C8A: variants seen among roughly 807,000 people sequenced by gnomAD.
C8A encodes the protein complement component C8 alpha chain.
A neutral mutation model predicts 65.3 loss-of-function variants in C8A; 67 were observed. The ratio of observed to expected loss-of-function variants is 1.03; its 90% CI spans 0.84 to 1.26. The LOEUF is 1.26. Ranked by LOEUF, C8A falls within the 50% of genes most tolerant of loss-of-function variation. The probability of loss-of-function intolerance (pLI) is 0.00; values close to 1 mark genes in which losing one functional copy is unlikely to be tolerated. For synonymous variants in C8A, 290 were observed against 259.4 expected (o/e 1.12, Z -1.13); for missense variants, 781 against 723.9 (o/e 1.08, Z -0.90).
rs115017133 is a variant in C8A at position 56,918,148 on chromosome 1, C to T, written c.*432C>T. On this transcript the variant is annotated 3_prime_UTR_variant, in exon 11 of 11. Transcript: ENST00000361249. ...ATAACAATTTGTTCACTCATAGAAACATTATTAATTGGTAGGGTAAGCAGA... is the reference window on the plus strand; with the variant it reads ...ATAACAATTTGTTCACTCATAGAAATATTATTAATTGGTAGGGTAAGCAGA... The T allele has an allele frequency of 2.3e-5, 4 of 174,614 alleles. No individual in the cohort carries two copies. Among genetic ancestry groups the T allele is most frequent in the African/African-American group, 4.8e-5 (2 of 41,784 alleles). 10.8% of individuals were successfully genotyped at this position (174,614 alleles called of 1,614,324 possible).
At chr1:56,907,828 A>G in intron 8 of C8A, 128 bp from the exon 9 acceptor site, 1 of 624,500 alleles carries the variant, frequency 1.6e-6, no homozygotes, top group Non-Finnish European at 2.7e-6. Context: ...AACCAAGAAG[A>G]GAAGAAGAAT....
chr1:56,910,375 T>C (rs1181456583), intron 9 of C8A, among the ~76,000 whole-genome samples: 1 of 152,216 alleles, frequency 6.6e-6, no homozygotes, highest in African/African-American at 2.4e-5. Context: ...CCAATACCTT[T>C]TCAAGCTCTA....
chr1:56,903,170 G>A (rs562572458), intron 7 of C8A, among the ~76,000 whole-genome samples: 10 of 152,182 alleles, frequency 6.6e-5, no homozygotes, highest in Middle Eastern at 3.4e-3. Flanking sequence ...CTGTGTCCCC[G>A]CCCAAATCTC....
At position 56,883,586 on chromosome 1, in the gene C8A, A is replaced by G. The variant is rs1193693367; in HGVS notation, c.760A>G (p.Ile254Val). ...TGACTCATTTGGAGTGACCATCGGC[A>G]TAGGCCCAGCCGGCAGCCCTTTATT... ...KSDSFGVTIG[I>V]GPAGSPLLVG... The change falls in exon 6 of 11, where the codon ATA (isoleucine) becomes GTA (valine). Residue 254 changes from isoleucine to valine, a missense_variant. Ile to Val is a conservative substitution (Grantham distance 29). Transcript: ENST00000361249. The G allele has an allele frequency of 2.5e-6, 4 of 1,613,906 alleles. No homozygotes were observed. The highest frequency in any genetic ancestry group is 3.4e-6 in the Non-Finnish European group (4 of 1,179,956).
Position 56,895,351 on chromosome 1 carries a change from T to C in C8A, c.1096+9184T>C, listed in dbSNP as rs183244444. 2.7e-3 allele frequency among the ~76,000 whole-genome samples: 414 copies of C among 152,272 alleles called. 29 individuals carry two copies. The South Asian group carries it at 0.079, about 29-fold the overall frequency. Reference sequence around the variant, plus strand: ...CAGGAGAGACTTGTGAAGAGGATACTATTATATAATCTCCAATTCACAAAA... The same window carrying C: ...CAGGAGAGACTTGTGAAGAGGATACCATTATATAATCTCCAATTCACAAAA... On this transcript the variant is annotated intron_variant, in intron 7 of 10. Coordinates refer to ENST00000361249, the MANE Select transcript of C8A (RefSeq NM_000562.3).
rs561722038 is a variant in C8A, at chr1:56,865,022, A to G, written c.78-2587A>G. ...AAATAAACAAACAAACAAAACTCCT[A>G]AGTTTTAAGTTTTACTTAAGAAAGT... On this transcript the variant is annotated intron_variant, in intron 1 of 10. Transcript: ENST00000361249. Among the ~76,000 whole-genome samples the G allele has an allele frequency of 5.3e-5, 8 of 152,284 alleles. No individual in the cohort carries two copies. In the East Asian group the frequency reaches 1.5e-3, roughly 29 times the overall value.
chr1:56,871,966 G>T (rs1316367556), intron 2 of C8A, among the ~76,000 whole-genome samples: 1 of 152,134 alleles, frequency 6.6e-6, no homozygotes, highest in Non-Finnish European at 1.5e-5. Context: ...AAGCACTGCA[G>T]AACAGTGGCA....
intron 6 of C8A, among the ~76,000 whole-genome samples, chr1:56,884,181 G>A (rs911405548): frequency 6.6e-6 from 1 of 151,962 alleles, no homozygotes; most frequent in Admixed American, 6.6e-5. Context: ...TCTAAGCTTA[G>A]ATCTAAAGAT....
intron 7 of C8A, among the ~76,000 whole-genome samples, chr1:56,905,701 T>C (rs755243030): frequency 1.3e-5 from 2 of 152,250 alleles, no homozygotes; most frequent in Non-Finnish European, 2.9e-5. Flanking sequence ...AATAACAGTA[T>C]GACTGGAAAT....
At chr1:56,885,388 ATATTTAAATAAATATATATT>A (rs1644286929) in intron 6 of C8A, among the ~76,000 whole-genome samples, 1 of 111,358 alleles carries the variant, frequency 9.0e-6, no homozygotes, top group South Asian at 3.0e-4. Context: ...ATTTAAATAT[ATATTTAAATAAATATATATT>A]TATTTAAATA....
intron 7 of C8A, among the ~76,000 whole-genome samples, chr1:56,895,459 A>G (rs1410902728): frequency 6.6e-6 from 1 of 152,136 alleles, no homozygotes; most frequent in Non-Finnish European, 1.5e-5. Flanking sequence ...AAACTCAAGA[A>G]CCTGTAATGT....
At chr1:56,868,743 C>T (rs1207334383) in intron 2 of C8A, among the ~76,000 whole-genome samples, 2 of 152,208 alleles carry the variant, frequency 1.3e-5, no homozygotes, top group Non-Finnish European at 2.9e-5. Context: ...ATACCACTCA[C>T]TGCCTGAACC....
intron 7 of C8A, among the ~76,000 whole-genome samples, chr1:56,890,962 G>T (rs1455175484): frequency 1.3e-5 from 2 of 151,768 alleles, no homozygotes; most frequent in African/African-American, 2.4e-5. Context: ...AATCATTTTT[G>T]TTTATTACTG....
chr1:56,862,521 A>G (rs1178946023), intron 1 of C8A, among the ~76,000 whole-genome samples: 1 of 152,168 alleles, frequency 6.6e-6, no homozygotes, highest in African/African-American at 2.4e-5. Flanking sequence ...GTATTTGACC[A>G]TGGAACTTTT....
At position 56,874,244 on chromosome 1, in the gene C8A, T is replaced by C. The variant is rs139086712; in HGVS notation, c.172-705T>C. Among the ~76,000 whole-genome samples the C allele has an allele frequency of 5.0e-3, 754 of 152,262 alleles. 6 individuals carry two copies. Among genetic ancestry groups the C allele is most frequent in the African/African-American group, 0.018 (734 of 41,550 alleles). On this transcript the variant is annotated intron_variant, in intron 2 of 10. Coordinates refer to ENST00000361249, the MANE Select transcript of C8A (RefSeq NM_000562.3). The stretch of plus-strand genomic sequence containing the variant: ...AGTCATGTGCCAATCCTTGAAGCAA[T>C]GATTACAACAACTAGGCAGATGTGA...
intron 6 of C8A, among the ~76,000 whole-genome samples, chr1:56,885,214 G>C (rs1644279777): frequency 1.3e-5 from 2 of 149,740 alleles, no homozygotes; most frequent in East Asian, 2.0e-4. Context: ...GTATGTGCTT[G>C]TGAAATATAG....
Position 56,870,584 on chromosome 1 carries a change from G to A in C8A, c.171+2882G>A, listed in dbSNP as rs992576868. Among the ~76,000 whole-genome samples, 84 of 151,134 alleles carry A rather than the reference G, an allele frequency of 5.6e-4. No homozygotes were observed. In the Middle Eastern group the frequency reaches 0.01, roughly 18 times the overall value. On this transcript the variant is annotated intron_variant, in intron 2 of 10. Transcript: ENST00000361249. ...AACTTTAATAATGTCTGCAATGGCC[G>A]GCTTTCCAAATAAGGTAACGTTTAC... is the stretch of plus-strand genomic sequence containing the variant.
At chr1:56,910,406 T>A (rs1644496510) in intron 9 of C8A, among the ~76,000 whole-genome samples, 1 of 152,182 alleles carries the variant, frequency 6.6e-6, no homozygotes, top group Admixed American at 6.5e-5. Flanking sequence ...ATCCCTCTTC[T>A]CCACCTCTCT....
intron 7 of C8A, among the ~76,000 whole-genome samples, chr1:56,893,364 G>A (rs1386369222): frequency 6.6e-6 from 1 of 152,134 alleles, no homozygotes; most frequent in African/African-American, 2.4e-5. Context: ...AAACATGCCA[G>A]TGACATGGTA....
Sources: gnomAD v4.1 joint callset for allele counts (sites outside exome capture counted in the v4.1 genomes callset) on GRCh38, gnomAD v4.1.1 for gene constraint, MANE v1.5 for transcripts, NCBI Gene and HGNC (gene_info 2026-07-23, HGNC 2026-07-21) for gene names.